The following RFX3 variants were observed in gnomAD, a reference collection of about 807,000 sequenced individuals.
RFX3 encodes the protein transcription factor RFX3.
A neutral mutation model predicts 98.6 loss-of-function variants in RFX3; 14 were observed. The ratio of observed to expected loss-of-function variants is 0.14; its 90% CI spans 0.09 to 0.22. The LOEUF (loss-of-function observed/expected upper bound fraction) is 0.22, where lower values mean the gene tolerates loss of function less well. Ranked by LOEUF, RFX3 falls within the 10% of genes least tolerant of loss-of-function variation. RFX3 has a pLI of 1.00. For missense variants in RFX3, 639 were observed against 926.9 expected, an observed-to-expected ratio of 0.69 and a Z score of 4.03; for synonymous variants, 383 against 328.4, an observed-to-expected ratio of 1.17 and a Z score of -1.80.
At chr9:3,336,946 A>C (rs1464144824) in intron 3 of RFX3, among the ~76,000 whole-genome samples, 1 of 152,222 alleles carries the variant, frequency 6.6e-6, no homozygotes, top group Non-Finnish European at 1.5e-5. Flanking sequence ...GTATGTGTGT[A>C]CTTACCAGAG....
At chr9:3,415,791 A>G (rs1042088737) in intron 1 of RFX3, among the ~76,000 whole-genome samples, 12 of 152,152 alleles carry the variant, frequency 7.9e-5, no homozygotes, top group Non-Finnish European at 1.0e-4. Context: ...TTGCAACACA[A>G]TGAGACCCAA....
At chr9:3,399,684 G>A (rs1587516747) in intron 1 of RFX3, among the ~76,000 whole-genome samples, 1 of 151,984 alleles carries the variant, frequency 6.6e-6, no homozygotes, top group Non-Finnish European at 1.5e-5. Flanking sequence ...GGGGGCAGTG[G>A]CTCACGCTTG....
intron 4 of RFX3, among the ~76,000 whole-genome samples, chr9:3,319,223 T>C (rs10971407): frequency 0.04 from 6,047 of 152,314 alleles, 371 homozygotes; most frequent in African/African-American, 0.14. Flanking sequence ...TGGGCACTTG[T>C]TGGAAATGCA....
intron 1 of RFX3, among the ~76,000 whole-genome samples, chr9:3,407,224 T>C (rs1842047030): frequency 2.6e-5 from 4 of 152,318 alleles, no homozygotes; most frequent in East Asian, 1.9e-4. Flanking sequence ...GATATTCTTC[T>C]ATGTTCTCTT....
At chr9:3,381,768 A>G (rs1361723662) in intron 2 of RFX3, among the ~76,000 whole-genome samples, 1 of 152,200 alleles carries the variant, frequency 6.6e-6, no homozygotes, top group East Asian at 1.9e-4. Flanking sequence ...TTAATAACCC[A>G]GAAACACCAA....
rs150344742 is a variant in RFX3 at position 3,462,745 on chromosome 9, T to C, written c.-9+63002A>G. Among the ~76,000 whole-genome samples the C allele has an allele frequency of 8.3e-3, 1,265 of 152,232 alleles. 21 individuals are homozygous for C. The highest frequency in any genetic ancestry group is 0.029 in the African/African-American group (1,212 of 41,564). On this transcript the variant is annotated intron_variant, in intron 1 of 16. Coordinates refer to ENST00000617270, the MANE Select transcript of RFX3 (RefSeq NM_001282116.2). ...GAAAAAGTGTACCATACTTCAATAC[T>C]AGTCATATTGTATTTAAATACTAGC...
chr9:3,270,949 G>A, intron 10 of RFX3, 54 bp downstream of exon 10: 1 of 1,612,190 alleles, frequency 6.2e-7, no homozygotes, highest in Non-Finnish European at 8.5e-7. Flanking sequence ...TAATTTATTA[G>A]TTGTGACATC....
intron 5 of RFX3, among the ~76,000 whole-genome samples, chr9:3,295,140 G>C (rs985055552): frequency 6.6e-6 from 1 of 151,850 alleles, no homozygotes; most frequent in Non-Finnish European, 1.5e-5. Context: ...AAGGCAGTCT[G>C]ATTGGGAAAT....
At chr9:3,417,281 T>C (rs976429055) in intron 1 of RFX3, among the ~76,000 whole-genome samples, 1 of 152,066 alleles carries the variant, frequency 6.6e-6, no homozygotes, top group East Asian at 1.9e-4. Flanking sequence ...TTTAATGATA[T>C]AACAAGTAGT....
intron 7 of RFX3, among the ~76,000 whole-genome samples, chr9:3,281,940 T>C (rs1261386806): frequency 3.3e-5 from 5 of 151,804 alleles, no homozygotes; most frequent in African/African-American, 1.2e-4. Flanking sequence ...AAATGAAACA[T>C]TTGGAAAATC....
chr9:3,261,829 G>C (rs1281754038), intron 13 of RFX3, among the ~76,000 whole-genome samples: 1 of 151,968 alleles, frequency 6.6e-6, no homozygotes, highest in Non-Finnish European at 1.5e-5. Context: ...ATGTCTTTTT[G>C]CTTAGACCCA....
intron 7 of RFX3, among the ~76,000 whole-genome samples, 197 bp downstream of exon 7, chr9:3,287,934 T>C (rs1027441743): frequency 6.6e-6 from 1 of 152,008 alleles, no homozygotes; most frequent in African/African-American, 2.4e-5. Context: ...AACGGCTGAC[T>C]GATAAGTACT....
chr9:3,325,286 G>T (rs1389124361), intron 4 of RFX3, among the ~76,000 whole-genome samples: 1 of 151,856 alleles, frequency 6.6e-6, no homozygotes, highest in Non-Finnish European at 1.5e-5. Flanking sequence ...ATAAATAAAA[G>T]CACTCATAAT....
intron 2 of RFX3, among the ~76,000 whole-genome samples, chr9:3,393,548 T>G: frequency 6.8e-6 from 1 of 147,094 alleles, no homozygotes; most frequent in African/African-American, 2.6e-5. Context: ...AAGATAACTG[T>G]TATCTTTTTA....
intron 4 of RFX3, among the ~76,000 whole-genome samples, chr9:3,320,529 G>A (rs2130726155): frequency 6.7e-6 from 1 of 148,374 alleles, no homozygotes; most frequent in South Asian, 2.1e-4. Flanking sequence ...TCCAGCCTAG[G>A]TGACACAGCA....
intron 2 of RFX3, among the ~76,000 whole-genome samples, chr9:3,371,790 G>T (rs10124295): frequency 0.2 from 30,032 of 152,012 alleles, 5,158 homozygotes; most frequent in African/African-American, 0.46. Flanking sequence ...TTCAAATAGA[G>T]GAAGGAATAC....
chr9:3,500,338 A>G (rs1426089063), intron 1 of RFX3, among the ~76,000 whole-genome samples: 1 of 152,228 alleles, frequency 6.6e-6, no homozygotes, highest in Non-Finnish European at 1.5e-5. Context: ...CGTGTTAGAA[A>G]GAGAACTGAA....
At chr9:3,368,840 T>A (rs927573005) in intron 2 of RFX3, among the ~76,000 whole-genome samples, 1 of 152,246 alleles carries the variant, frequency 6.6e-6, no homozygotes, top group Admixed American at 6.5e-5. Flanking sequence ...TCCACTTACA[T>A]CTTAGTATAA....
chr9:3,379,875 G>A (rs1838984431), intron 2 of RFX3, among the ~76,000 whole-genome samples: 1 of 138,624 alleles, frequency 7.2e-6, no homozygotes, highest in Admixed American at 7.8e-5. Context: ...TATAACTTAT[G>A]GGCAATTTAT....
Sources: gnomAD v4.1 joint callset for allele counts (sites outside exome capture counted in the v4.1 genomes callset) on GRCh38, gnomAD v4.1.1 for gene constraint, MANE v1.5 for transcripts, NCBI Gene and HGNC (gene_info 2026-07-23, HGNC 2026-07-21) for gene names.